Variants in TECRL observed in about 807,000 individuals in gnomAD.
TECRL encodes trans-2,3-enoyl-CoA reductase-like.
In TECRL, 63 loss-of-function variants were observed where a neutral mutation model predicts 52.8. The ratio of observed to expected loss-of-function variants is 1.19; its 90% CI spans 0.97 to 1.47. TECRL has a LOEUF of 1.47. TECRL is among the 40% of genes most tolerant of loss of function. The pLI, the probability that TECRL is intolerant of heterozygous loss-of-function variation, is 0.00. For missense variants in TECRL, 482 were observed against 429.6 expected (o/e 1.12, Z -1.08); for synonymous variants, 164 against 141.9 (o/e 1.16, Z -1.10).
At chr4:64,408,230 G>A (rs901267173) in intron 1 of TECRL, among the ~76,000 whole-genome samples, 1 of 151,732 alleles carries the variant, frequency 6.6e-6, no homozygotes, top group Non-Finnish European at 1.5e-5. Context: ...GACCTAGCTA[G>A]AACATGGAAA....
chr4:64,301,355 G>C (rs1395110213), intron 7 of TECRL, among the ~76,000 whole-genome samples: 3 of 150,960 alleles, frequency 2.0e-5, no homozygotes, highest in Non-Finnish European at 3.0e-5. Flanking sequence ...TAAACATTCT[G>C]CTTTTGCCAA....
intron 1 of TECRL, among the ~76,000 whole-genome samples, chr4:64,378,718 A>G (rs1285554975): frequency 6.6e-6 from 1 of 152,064 alleles, no homozygotes; most frequent in Non-Finnish European, 1.5e-5. Context: ...TTCACTATGA[A>G]TAAAATTGAC....
At chr4:64,319,265 G>A (rs1207616580) in intron 4 of TECRL, among the ~76,000 whole-genome samples, 1 of 151,556 alleles carries the variant, frequency 6.6e-6, no homozygotes, top group East Asian at 1.9e-4. Context: ...ACAAATTGAA[G>A]AAAATTAGAT....
chr4:64,382,636 T>C (rs542079297), intron 1 of TECRL, among the ~76,000 whole-genome samples: 1 of 152,184 alleles, frequency 6.6e-6, no homozygotes, highest in South Asian at 2.1e-4. Context: ...AACACATAGT[T>C]GGGTCAAGTT....
intron 1 of TECRL, among the ~76,000 whole-genome samples, chr4:64,390,293 C>T (rs373943463): frequency 6.6e-6 from 1 of 151,862 alleles, no homozygotes; most frequent in African/African-American, 2.4e-5. Context: ...TATAAATGTT[C>T]AAATCGCTGT....
At position 64,364,333 on chromosome 4, in the gene TECRL, C is replaced by T. The variant is rs6826189; in HGVS notation, c.286+10839G>A. ...TGGTAAGCTCTCATATTAACAACGT[C>T]ACATCTAGAGGAACATCTAGAGAAA... On this transcript the variant is annotated intron_variant, in intron 2 of 11. Coordinates refer to ENST00000381210, the MANE Select transcript of TECRL (RefSeq NM_001010874.5). Among the ~76,000 whole-genome samples, 974 of 152,094 alleles carry T rather than the reference C, an allele frequency of 6.4e-3. 8 individuals are homozygous for T. The highest frequency in any genetic ancestry group is 0.022 in the African/African-American group (921 of 41,540).
intron 5 of TECRL, among the ~76,000 whole-genome samples, chr4:64,311,261 A>G (rs1285021335): frequency 6.6e-6 from 1 of 152,218 alleles, no homozygotes; most frequent in African/African-American, 2.4e-5. Flanking sequence ...CTGTGAACCT[A>G]TTATGTAACA....
intron 2 of TECRL, among the ~76,000 whole-genome samples, chr4:64,374,682 A>G (rs959679077): frequency 6.6e-6 from 1 of 151,912 alleles, no homozygotes; most frequent in Admixed American, 6.6e-5. Flanking sequence ...TGTCCTTGCA[A>G]TAGTTTGCTG....
chr4:64,380,577 G>C (rs1577966222), intron 1 of TECRL, among the ~76,000 whole-genome samples: 2 of 152,050 alleles, frequency 1.3e-5, no homozygotes, highest in South Asian at 4.1e-4. Flanking sequence ...TTGAGTTTTA[G>C]TGTTTGATAA....
At chr4:64,303,456 AACTG>A (rs1724136959) in intron 7 of TECRL, among the ~76,000 whole-genome samples, 1 of 151,774 alleles carries the variant, frequency 6.6e-6, no homozygotes, top group Non-Finnish European at 1.5e-5. Context: ...GAATTTATGT[AACTG>A]ACTGGCTGTG....
chr4:64,380,143 T>A (rs566400392), intron 1 of TECRL, among the ~76,000 whole-genome samples: 18 of 152,224 alleles, frequency 1.2e-4, no homozygotes, highest in African/African-American at 4.1e-4. Flanking sequence ...ATTTCCCTTA[T>A]GTTAGTGATG....
chr4:64,281,144 T>C (rs2109923647), intron 10 of TECRL, 58 bp from the exon 11 acceptor site: 3 of 1,410,292 alleles, frequency 2.1e-6, no homozygotes, highest in Non-Finnish European at 3.0e-6. Context: ...AATTTGTTCA[T>C]TTGTGGCTTT....
intron 2 of TECRL, among the ~76,000 whole-genome samples, chr4:64,337,468 G>A (rs1177672937): frequency 3.9e-5 from 6 of 152,118 alleles, no homozygotes; most frequent in Admixed American, 3.9e-4. Context: ...ATTCAATTAG[G>A]AAAAGAGGAA....
chr4:64,334,037 A>AAAAAAAAAAG lies in TECRL; in HGVS notation c.287-5482_287-5481insCTTTTTTTTT, dbSNP rs1718858745. On this transcript the variant is annotated intron_variant, in intron 2 of 11. Transcript: ENST00000381210. The stretch of plus-strand genomic sequence containing the variant: ...CAGAGCGAGACTCCGTCTCAAAAAA[A>AAAAAAAAAAG]AAAAAAAAAAAAGAAAAAGAGAGAA... Among the ~76,000 whole-genome samples, 2 of 142,300 alleles carry AAAAAAAAAAG rather than the reference A, an allele frequency of 1.4e-5. 1 individual carries two copies. Among genetic ancestry groups the AAAAAAAAAAG allele is most frequent in the Admixed American group, 1.4e-4 (2 of 13,982 alleles). 93.4% of individuals were successfully genotyped at this position (142,300 alleles called of 152,430 possible). A position where few individuals can be genotyped will look rare whatever the true frequency, so the allele number is the denominator to read the frequency against.
chr4:64,406,155 C>T (rs551242847), intron 1 of TECRL, among the ~76,000 whole-genome samples: 80 of 100,994 alleles, frequency 7.9e-4, no homozygotes, highest in African/African-American at 2.2e-3. Flanking sequence ...TAGGCGCGCG[C>T]GCGCGCGCGC....
Position 64,314,775 on chromosome 4 carries a change from AC to A in TECRL, c.436-13del. 6.4e-7 allele frequency: 1 copy of A among 1,551,092 alleles called. No individual in the cohort carries two copies. ...TCAGCCAAAAACACCTGAAAATAAA[AC>A]ATGATTTAGATTAAACGATAAAAAT... On this transcript the variant is annotated splice_polypyrimidine_tract_variant and intron_variant, in intron 4 of 11. Transcript: ENST00000381210.
intron 2 of TECRL, among the ~76,000 whole-genome samples, chr4:64,333,364 G>A (rs1718789482): frequency 6.6e-6 from 1 of 152,030 alleles, no homozygotes; most frequent in African/African-American, 2.4e-5. Flanking sequence ...AATAGAACAC[G>A]TCTTTCCGTC....
chr4:64,390,595 T>A (rs552975547), intron 1 of TECRL, among the ~76,000 whole-genome samples: 2 of 151,970 alleles, frequency 1.3e-5, no homozygotes, highest in South Asian at 4.1e-4. Flanking sequence ...TAAGTGAGCA[T>A]TAGACTTTTG....
At position 64,329,231 on chromosome 4, in the gene TECRL, T is replaced by C. The variant is rs1277752406; in HGVS notation, c.287-675A>G. ...TTATCTTAAAATAAATTCTATACTATCGTTTTAAAGTCTCCATTAAAAGTT... is the reference window on the plus strand; with the variant it reads ...TTATCTTAAAATAAATTCTATACTACCGTTTTAAAGTCTCCATTAAAAGTT... On this transcript the variant is annotated intron_variant, in intron 2 of 11. Transcript: ENST00000381210. Among the ~76,000 whole-genome samples, 6 of 152,128 alleles carry C rather than the reference T, an allele frequency of 3.9e-5. No homozygotes were observed. The East Asian group carries it at 9.7e-4, about 24-fold the overall frequency.
Sources: allele counts gnomAD v4.1 joint callset (sites outside exome capture counted in the v4.1 genomes callset), GRCh38; gene constraint gnomAD v4.1.1; transcripts MANE v1.5; gene names NCBI Gene and HGNC (gene_info 2026-07-23, HGNC 2026-07-21).